Variants in DMD observed in about 807,000 individuals in gnomAD.
DMD encodes dystrophin.
In DMD, 63 loss-of-function variants were observed where a neutral mutation model predicts 330.1. The observed-to-expected ratio is 0.19, with a 90% CI of 0.16 to 0.24. DMD has a LOEUF of 0.24. DMD is among the 10% of genes least tolerant of loss of function. The pLI is 1.00. For missense variants in DMD, 3,344 were observed against 2,684.1 expected, an observed-to-expected ratio of 1.25 and a Z score of -5.43; for synonymous variants, 1,223 against 959.8, an observed-to-expected ratio of 1.27 and a Z score of -5.07.
chrX:32,341,680 C>A (rs952908660), intron 41 of DMD, among the ~76,000 whole-genome samples: 1 of 111,086 alleles, frequency 9.0e-6, no homozygotes, highest in African/African-American at 3.3e-5. Flanking sequence ...TAAGATGTAC[C>A]ATGAAATATT....
At chrX:32,681,207 T>TA (rs752784891) in intron 9 of DMD, among the ~76,000 whole-genome samples, 1 of 111,536 alleles carries the variant, frequency 9.0e-6, no homozygotes, top group Non-Finnish European at 1.9e-5. Context: ...CTAAGCCTCG[T>TA]AAAAAGCTCT....
chrX:31,670,986 CACTGCAA>C lies in DMD; in HGVS notation c.7872+8382_7872+8388del, dbSNP rs1258858591. Reference sequence around the variant, plus strand: ...GGACTGCAGTGCTGCTGTCTCGGCTCACTGCAAACTCTGCCTCCAGGGTTCGCGCCAT... The same window carrying C: ...GGACTGCAGTGCTGCTGTCTCGGCTCACTCTGCCTCCAGGGTTCGCGCCAT... On this transcript the variant is annotated intron_variant, in intron 53 of 78. Transcript: ENST00000357033. Among the ~76,000 whole-genome samples, 25 of 109,874 alleles carry C rather than the reference CACTGCAA, an allele frequency of 2.3e-4. No homozygotes were observed. The South Asian group carries it at 4.8e-3, about 21-fold the overall frequency.
intron 51 of DMD, among the ~76,000 whole-genome samples, chrX:31,730,543 T>G (rs959366484): frequency 2.7e-5 from 3 of 111,218 alleles, no homozygotes; most frequent in Admixed American, 1.9e-4. Flanking sequence ...CATTAAGATA[T>G]TCTTCCCTTT....
Position 32,252,721 on chromosome X carries a change from TATAA to T in DMD, c.6290+34804_6290+34807del, listed in dbSNP as rs1431353565. Reference sequence around the variant, plus strand: ...AAATATATATAAATATATAAATATATATAAATATATAAATATATATATAAATATA... The same window carrying T: ...AAATATATATAAATATATAAATATATATATATAAATATATATATAAATATA... On this transcript the variant is annotated intron_variant, in intron 43 of 78. Coordinates refer to ENST00000357033, the MANE Select transcript of DMD (RefSeq NM_004006.3). Among the ~76,000 whole-genome samples, 23 of 46,893 alleles carry T rather than the reference TATAA, an allele frequency of 4.9e-4. 1 individual carries two copies. The highest frequency in any genetic ancestry group is 2.2e-3 in the African/African-American group (22 of 9,856). 40.7% of individuals were successfully genotyped at this position (46,893 alleles called of 115,157 possible). A position where few individuals can be genotyped will look rare whatever the true frequency, so the allele number is the denominator to read the frequency against.
intron 11 of DMD, among the ~76,000 whole-genome samples, chrX:32,623,957 T>C: frequency 8.9e-6 from 1 of 112,165 alleles, no homozygotes; most frequent in South Asian, 3.7e-4. Context: ...ATGGGCAAAA[T>C]ATTGTATTAG....
chrX:31,221,009 T>C (rs866491049), intron 64 of DMD, among the ~76,000 whole-genome samples: 1 of 105,746 alleles, frequency 9.5e-6, no homozygotes, highest in Admixed American at 1.1e-4. Context: ...AGCCAAAAGA[T>C]TGGACATCCC....
In DMD at chrX:31,679,524, A is replaced by G. The variant is rs2148733773; in HGVS notation, c.7723T>C (p.Leu2575=). The change falls in exon 53 of 79, where the codon TTG becomes CTG. Residue 2575 remains leucine, a synonymous_variant. Coordinates refer to ENST00000357033, the MANE Select transcript of DMD (RefSeq NM_004006.3). ...GTTGAATCCTTTAACATTTCATTCA[A>G]CTGTTGCCTCCGGTTCTGAAGGTGT... ...QEHLQNRRQQ[L]NEMLKDSTQW... is the part of the protein sequence containing the mutation. 8.3e-7 allele frequency: 1 copy of G among 1,211,424 alleles called. No homozygotes were observed. Among genetic ancestry groups the G allele is most frequent in the African/African-American group, 1.7e-5 (1 of 57,723 alleles).
chrX:31,611,274 G>C (rs2077903047), intron 55 of DMD, among the ~76,000 whole-genome samples: 1 of 109,519 alleles, frequency 9.1e-6, no homozygotes, highest in Non-Finnish European at 1.9e-5. Context: ...TGGTGTCCGT[G>C]GTATGTAAAC....
At chrX:33,172,365 G>A (rs763708746) in intron 1 of DMD, among the ~76,000 whole-genome samples, 25 of 111,450 alleles carry the variant, frequency 2.2e-4, no homozygotes, top group Non-Finnish European at 4.0e-4. Context: ...AGGACTAGTC[G>A]GATGCTGGCC....
chrX:31,487,532 G>A lies in DMD; in HGVS notation c.8548-8429C>T, dbSNP rs2068913024. Among the ~76,000 whole-genome samples the A allele has an allele frequency of 2.7e-5, 3 of 111,461 alleles. No individual in the cohort carries two copies. The South Asian group carries it at 1.1e-3, about 42-fold the overall frequency. On this transcript the variant is annotated intron_variant, in intron 57 of 78. Coordinates refer to ENST00000357033, the MANE Select transcript of DMD (RefSeq NM_004006.3). ...TAACACATTTTTAAGTGCACAAATCGGTATTGTTAACTATAGGCACAATGT... is the reference window on the plus strand; with the variant it reads ...TAACACATTTTTAAGTGCACAAATCAGTATTGTTAACTATAGGCACAATGT...
At chrX:33,027,884 G>T (rs188503228) in intron 1 of DMD, among the ~76,000 whole-genome samples, 1 of 111,926 alleles carries the variant, frequency 8.9e-6, no homozygotes, top group African/African-American at 3.2e-5. Flanking sequence ...GTCAGGATGT[G>T]AGAGAAAGAG....
intron 42 of DMD, among the ~76,000 whole-genome samples, chrX:32,289,959 A>C (rs2097459772): frequency 1.8e-5 from 2 of 111,637 alleles, no homozygotes. Context: ...ACTTGCTTTT[A>C]CTTTTTTTAA....
Position 32,381,565 on chromosome X carries a change from T to A in DMD, c.4675-885A>T, listed in dbSNP as rs191145079. 1.1e-4 allele frequency among the ~76,000 whole-genome samples: 12 copies of A among 111,596 alleles called. No homozygotes were observed. In the East Asian group the frequency reaches 2.0e-3, roughly 18 times the overall value. ...TAAATTACAATTTCTTAAAGGCAAA[T>A]CTTCTTGCCTCACACATCTTTAGAT... On this transcript the variant is annotated intron_variant, in intron 33 of 78. Coordinates refer to ENST00000357033, the MANE Select transcript of DMD (RefSeq NM_004006.3).
At chrX:32,596,864 C>T (rs746545425) in intron 12 of DMD, among the ~76,000 whole-genome samples, 7 of 111,225 alleles carry the variant, frequency 6.3e-5, no homozygotes, top group Non-Finnish European at 1.3e-4. Flanking sequence ...TACTTTTTAG[C>T]TCCTTTACTC....
At chrX:33,109,996 A>C (rs779643223) in intron 1 of DMD, among the ~76,000 whole-genome samples, 1 of 111,175 alleles carries the variant, frequency 9.0e-6, no homozygotes, top group Admixed American at 9.6e-5. Flanking sequence ...GTTTGTTTAC[A>C]TTGCCACAGT....
At chrX:32,835,422 C>T (rs1283005054) in intron 4 of DMD, among the ~76,000 whole-genome samples, 8 of 112,613 alleles carry the variant, frequency 7.1e-5, no homozygotes, top group Admixed American at 9.4e-5. Flanking sequence ...GTATTTTGTT[C>T]GCTTTTTAAA....
intron 2 of DMD, among the ~76,000 whole-genome samples, chrX:32,984,247 G>A (rs2147249253): frequency 8.9e-6 from 1 of 112,036 alleles, no homozygotes; most frequent in East Asian, 2.8e-4. Flanking sequence ...TTTAACCTCT[G>A]TGCTATTTAT....
intron 64 of DMD, among the ~76,000 whole-genome samples, chrX:31,213,831 C>T (rs1315426573): frequency 2.7e-5 from 3 of 111,573 alleles, no homozygotes; most frequent in African/African-American, 9.8e-5. Context: ...ATGACTGAGG[C>T]ATTATTTAGA....
intron 59 of DMD, among the ~76,000 whole-genome samples, chrX:31,476,998 AT>A (rs1191978642): frequency 2.8e-4 from 31 of 111,653 alleles, no homozygotes; most frequent in Non-Finnish European, 2.1e-4. Flanking sequence ...ATTAACTGAA[AT>A]AGGAAACAGG....
Sources: allele counts gnomAD v4.1 joint callset (sites outside exome capture counted in the v4.1 genomes callset), GRCh38; gene constraint gnomAD v4.1.1; transcripts MANE v1.5; gene names NCBI Gene and HGNC (gene_info 2026-07-23, HGNC 2026-07-21).